The following MS4A18 variants were observed in gnomAD, a reference collection of about 807,000 sequenced individuals.
MS4A18 encodes membrane spanning 4-domains A18, also known as membrane-spanning 4-domains subfamily A member 18.
A neutral mutation model predicts 13.1 loss-of-function variants in MS4A18; 27 were observed. The observed-to-expected ratio is 2.06, with a 90% confidence interval of 1.52 to 2.84. MS4A18 has a LOEUF of 2.84. Ranked by LOEUF, MS4A18 falls within the 30% of genes most tolerant of loss-of-function variation. The pLI, the probability that MS4A18 is intolerant of heterozygous loss-of-function variation, is 0.00. For missense variants in MS4A18, 307 were observed against 196.4 expected, an observed-to-expected ratio of 1.56 and a Z score of -3.37; for synonymous variants, 126 against 76.5, an observed-to-expected ratio of 1.65 and a Z score of -3.38.
intron 2 of MS4A18, among the ~76,000 whole-genome samples, chr11:60,734,802 G>A (rs1309830806): frequency 6.8e-6 from 1 of 147,728 alleles, no homozygotes; most frequent in African/African-American, 2.5e-5. Flanking sequence ...TTTTTTTTGA[G>A]GTGGAGTCTC....
intron 2 of MS4A18, among the ~76,000 whole-genome samples, chr11:60,735,356 C>T (rs1590963544): frequency 7.1e-6 from 1 of 140,164 alleles, no homozygotes; most frequent in South Asian, 2.2e-4. Flanking sequence ...TTTTTTGAGA[C>T]GGAGTCTCGC....
chr11:60,740,316 C>A (rs554796319), intron 4 of MS4A18, among the ~76,000 whole-genome samples: 21 of 152,116 alleles, frequency 1.4e-4, no homozygotes, highest in Admixed American at 7.8e-4. Context: ...TCCCTTCCAC[C>A]CTACTGTGGG....
intron 4 of MS4A18, among the ~76,000 whole-genome samples, chr11:60,740,689 A>G (rs1437188152): frequency 6.6e-6 from 1 of 152,152 alleles, no homozygotes; most frequent in Admixed American, 6.5e-5. Context: ...GAGCTGGGGT[A>G]TTTATACACC....
chr11:60,729,524 C>T, exon 1 of MS4A18: 1 of 702,786 alleles, frequency 1.4e-6, no homozygotes, highest in Non-Finnish European at 2.6e-6. Context: ...CAGAACTCAG[C>T]AGCAGGTGTA....
At chr11:60,741,099 G>T (rs1271467086) in exon 5 of MS4A18, 1 of 703,016 alleles carries the variant, frequency 1.4e-6, no homozygotes, top group African/African-American at 1.7e-5. Context: ...CACTTGTGTG[G>T]TCTCACATTT....
intron 4 of MS4A18, 130 bp downstream of exon 5, chr11:60,739,127 A>G (rs1853382476): frequency 1.6e-6 from 1 of 622,458 alleles, no homozygotes. Flanking sequence ...TCCATAAGCT[A>G]TTTAACCGTC....
intron 4 of MS4A18, among the ~76,000 whole-genome samples, chr11:60,739,324 C>T (rs1370303861): frequency 6.6e-6 from 1 of 151,986 alleles, no homozygotes; most frequent in Non-Finnish European, 1.5e-5. Context: ...ATCACCTGCC[C>T]CTAGGGGTCT....
intron 1 of MS4A18, among the ~76,000 whole-genome samples, chr11:60,732,190 ATCTC>A (rs950581806): frequency 2.0e-5 from 3 of 152,134 alleles, no homozygotes; most frequent in African/African-American, 7.2e-5. Context: ...CAGGAAAAGA[ATCTC>A]TCTGGTCCTT....
chr11:60,725,644 A>G (rs1853145262), upstream of MS4A18, among the ~76,000 whole-genome samples: 1 of 152,192 alleles, frequency 6.6e-6, no homozygotes, highest in East Asian at 1.9e-4. Flanking sequence ...GAGAGAAATG[A>G]TTAATTTTTT....
At chr11:60,727,897 T>C (rs1406303851), upstream of MS4A18, among the ~76,000 whole-genome samples, 1 of 152,210 alleles carries the variant, frequency 6.6e-6, no homozygotes, top group East Asian at 1.9e-4. Context: ...GTCCAGCTTA[T>C]CAGTCCTCAT....
chr11:60,730,448 G>T (rs988121222), intron 1 of MS4A18, among the ~76,000 whole-genome samples: 1 of 152,186 alleles, frequency 6.6e-6, no homozygotes. Flanking sequence ...AACACTGCAC[G>T]TGCCCTGCAA....
intron 4 of MS4A18, among the ~76,000 whole-genome samples, chr11:60,739,748 C>T (rs1853389431): frequency 6.6e-6 from 1 of 152,200 alleles, no homozygotes; most frequent in African/African-American, 2.4e-5. Context: ...AAAGGAAGCC[C>T]TCAAGTGAAG....
At chr11:60,733,491 G>A in intron 1 of MS4A18, 43 bp from the exon 3 acceptor site, 1 of 702,990 alleles carries the variant, frequency 1.4e-6, no homozygotes. Context: ...CAGCCCACAG[G>A]CCCGCAGTTC....
upstream of MS4A18, among the ~76,000 whole-genome samples, chr11:60,726,037 T>G (rs1853154425): frequency 6.6e-6 from 1 of 152,186 alleles, no homozygotes; most frequent in African/African-American, 2.4e-5. Context: ...CCACCATCCA[T>G]ATGTCACTGG....
exon 1 of MS4A18, chr11:60,729,335 G>A (rs974341759): frequency 5.7e-6 from 4 of 702,506 alleles, no homozygotes; most frequent in Non-Finnish European, 2.6e-6. Flanking sequence ...CAGGTGATTG[G>A]AGCCAACAGT....
chr11:60,736,245 G>A (rs914635601), intron 2 of MS4A18, among the ~76,000 whole-genome samples: 1 of 151,670 alleles, frequency 6.6e-6, no homozygotes, highest in Non-Finnish European at 1.5e-5. Context: ...GATAGAGAGG[G>A]CTGGAATCAT....
upstream of MS4A18, among the ~76,000 whole-genome samples, chr11:60,726,734 T>TTTATTTTATA: frequency 6.8e-6 from 1 of 147,112 alleles, no homozygotes; most frequent in Non-Finnish European, 1.5e-5. Flanking sequence ...TTTATTTTAT[T>TTTATTTTATA]TTATTTTATT....
intron 1 of MS4A18, among the ~76,000 whole-genome samples, chr11:60,732,048 A>T (rs575764749): frequency 1.3e-5 from 2 of 152,136 alleles, no homozygotes; most frequent in African/African-American, 2.4e-5. Flanking sequence ...TCATAGACTC[A>T]TGGACCAGGA....
At chr11:60,725,486 T>C (rs1225642444), upstream of MS4A18, among the ~76,000 whole-genome samples, 4 of 152,268 alleles carry the variant, frequency 2.6e-5, no homozygotes, top group East Asian at 7.7e-4. Flanking sequence ...AACCATTCTC[T>C]TTGTTCCTGA....
Sources: allele counts gnomAD v4.1 joint callset (sites outside exome capture counted in the v4.1 genomes callset), GRCh38; gene constraint gnomAD v4.1.1; transcripts MANE v1.5; gene names NCBI Gene and HGNC (gene_info 2026-07-23, HGNC 2026-07-21).